HOXC5: variants seen among roughly 807,000 people sequenced by gnomAD.
The protein encoded by HOXC5 is homeobox C5.
A neutral mutation model predicts 20.1 loss-of-function variants in HOXC5; 19 were observed. That is an observed-to-expected ratio of 0.94 (90% CI 0.66 to 1.38). HOXC5 has a LOEUF of 1.38. Among genes scored for constraint, HOXC5 ranks in the 40% most tolerant of loss-of-function variants. The pLI is 0.00. For missense variants in HOXC5, 330 were observed against 300.1 expected (o/e 1.10, Z -0.74); for synonymous variants, 124 against 117.0 (o/e 1.06, Z -0.39).
rs1484013222 is a variant in HOXC5, at chr12:54,034,558, G to T, written c.*66G>T. Reference sequence around the variant, plus strand: ...TCCTGTCCCTGCGCCTTTCCTTTTCGCCTTTCCTCTCTATATTTCGGGTCG... The same window carrying T: ...TCCTGTCCCTGCGCCTTTCCTTTTCTCCTTTCCTCTCTATATTTCGGGTCG... On this transcript the variant is annotated 3_prime_UTR_variant, in exon 2 of 2. Coordinates refer to ENST00000312492, the MANE Select transcript of HOXC5 (RefSeq NM_018953.4). The T allele has an allele frequency of 5.2e-6, 7 of 1,355,404 alleles. No homozygotes were observed. In the Admixed American group the frequency reaches 9.2e-5, roughly 18 times the overall value. The allele number at this position is 1,355,404 out of a possible 1,614,324, so 84.0% of individuals were successfully genotyped here.
At chr12:54,029,403 G>GCCC (rs1234645036), upstream of HOXC5, among the ~76,000 whole-genome samples, 8 of 58,860 alleles carry the variant, frequency 1.4e-4, no homozygotes, top group South Asian at 7.0e-4. Flanking sequence ...CTTTTGCCCC[G>GCCC]CCCCCCCGCC....
At chr12:54,031,558 A>G (rs1379044775), upstream of HOXC5, among the ~76,000 whole-genome samples, 1 of 151,964 alleles carries the variant, frequency 6.6e-6, no homozygotes, top group Non-Finnish European at 1.5e-5. Flanking sequence ...CCATTTATCA[A>G]CCCTGGCCTT....
upstream of HOXC5, chr12:54,028,644 A>G: frequency 6.2e-7 from 1 of 1,613,918 alleles, no homozygotes; most frequent in East Asian, 2.2e-5. Context: ...CGACCTATGG[A>G]GCGGCCGTTG....
At chr12:54,024,663 C>A in the HOXC5 span, among the ~76,000 whole-genome samples, 9 of 150,478 alleles carry the variant, frequency 6.0e-5, no homozygotes, top group African/African-American at 1.5e-4. Context: ...TGGGTCCAGT[C>A]CCACCCACCC....
the HOXC5 span, chr12:54,021,768 A>ACGGCGCCGCAGCTCTGCCG: frequency 6.6e-6 from 1 of 152,278 alleles, no homozygotes; most frequent in Non-Finnish European, 1.5e-5. Flanking sequence ...GGCCTCTGCC[A>ACGGCGCCGCAGCTCTGCCG]CGGCGCCGCA....
the HOXC5 span, among the ~76,000 whole-genome samples, chr12:54,026,445 T>A: frequency 1.3e-5 from 2 of 152,254 alleles, no homozygotes; most frequent in African/African-American, 4.8e-5. Flanking sequence ...ACCCCAAAAA[T>A]GAGATAACTC....
chr12:54,023,644 C>G, the HOXC5 span, among the ~76,000 whole-genome samples: 10 of 152,288 alleles, frequency 6.6e-5, no homozygotes, highest in African/African-American at 2.4e-4. Flanking sequence ...CCCCAGCTCC[C>G]TTCAACTGGT....
the HOXC5 span, among the ~76,000 whole-genome samples, chr12:54,025,883 TG>T: frequency 2.6e-5 from 4 of 151,982 alleles, no homozygotes; most frequent in East Asian, 7.7e-4. Context: ...GCATCCTTGC[TG>T]GGGGCTGTAG....
chr12:54,024,379 T>G, the HOXC5 span, among the ~76,000 whole-genome samples: 1 of 152,086 alleles, frequency 6.6e-6, no homozygotes, highest in Non-Finnish European at 1.5e-5. Context: ...GAGCTGTAGT[T>G]GCAGCGCGGC....
chr12:54,019,466 C>G, the HOXC5 span, among the ~76,000 whole-genome samples: 3 of 152,174 alleles, frequency 2.0e-5, no homozygotes, highest in Admixed American at 6.5e-5. Flanking sequence ...AAAAAGGGAG[C>G]CTTTCTCCTG....
the HOXC5 span, among the ~76,000 whole-genome samples, chr12:54,024,267 C>T: frequency 1.3e-5 from 2 of 152,286 alleles, no homozygotes; most frequent in Admixed American, 6.5e-5. Context: ...CGGGCAGCTG[C>T]GGTCGCGTCC....
chr12:54,023,693 A>G, the HOXC5 span, among the ~76,000 whole-genome samples: 1 of 152,148 alleles, frequency 6.6e-6, no homozygotes, highest in Non-Finnish European at 1.5e-5. Context: ...GCACCCCCAA[A>G]TGATATCCAT....
upstream of HOXC5, among the ~76,000 whole-genome samples, chr12:54,031,436 G>T (rs896282990): frequency 6.6e-6 from 1 of 152,226 alleles, no homozygotes; most frequent in Non-Finnish European, 1.5e-5. Flanking sequence ...TGGTACTCCT[G>T]ACGTGGCCGG....
chr12:54,017,217 C>G, the HOXC5 span: 1 of 152,142 alleles, frequency 6.6e-6, no homozygotes, highest in Non-Finnish European at 1.5e-5. Flanking sequence ...CCTCCTGCCC[C>G]CTTCTTGCAA....
At chr12:54,030,180 T>A (rs1940929520), upstream of HOXC5, 1 of 496,490 alleles carries the variant, frequency 2.0e-6, no homozygotes, top group Non-Finnish European at 3.6e-6. Context: ...CTCGCTCCCT[T>A]GCTAGCTCGT....
At chr12:54,025,010 A>G in the HOXC5 span, among the ~76,000 whole-genome samples, 4 of 152,198 alleles carry the variant, frequency 2.6e-5, no homozygotes, top group Admixed American at 2.0e-4. Context: ...GAAAGTGAAA[A>G]TCTGCTCTTG....
chr12:54,034,448 A>G lies in HOXC5; in HGVS notation c.625A>G (p.Lys209Glu), dbSNP rs1226156452. ...GATCTGGTTCCAGAACCGCAGGATG[A>G]AGTGGAAGAAAGATTCCAAAATGAA... ...IKIWFQNRRM[K>E]WKKDSKMKSK... Residue 209 changes from lysine (K) to glutamate (E), a missense_variant, in exon 2 of 2, where the codon AAG (lysine) becomes GAG (glutamate). Lys to Glu is a moderately conservative substitution (Grantham distance 56, BLOSUM62 1). Coordinates refer to ENST00000312492, the MANE Select transcript of HOXC5 (RefSeq NM_018953.4). 1 of 1,614,250 alleles carries G rather than the reference A, an allele frequency of 6.2e-7. No homozygotes were observed. Among genetic ancestry groups the G allele is most frequent in the Non-Finnish European group, 8.5e-7 (1 of 1,180,044 alleles).
rs1203866009 is a variant in HOXC5, at chr12:54,033,647, G to GA, written c.454+79dup. 5.1e-5 allele frequency: 67 copies of GA among 1,302,216 alleles called. 1 individual carries two copies. Among genetic ancestry groups the GA allele is most frequent in the South Asian group, 1.2e-4 (8 of 64,578 alleles). 80.7% of individuals were successfully genotyped at this position (1,302,216 alleles called of 1,614,324 possible). On this transcript the variant is annotated intron_variant, in intron 1 of 1. Coordinates refer to ENST00000312492, the MANE Select transcript of HOXC5 (RefSeq NM_018953.4). Reference sequence around the variant, plus strand: ...TTATAGGCCATGCGGGGCAAATAAAGAAAAAAAACCTGCGGCCATAAATTT... The same window carrying GA: ...TTATAGGCCATGCGGGGCAAATAAAGAAAAAAAAACCTGCGGCCATAAATTT...
chr12:54,032,267 A>G (rs1941012995), upstream of HOXC5, among the ~76,000 whole-genome samples: 2 of 152,068 alleles, frequency 1.3e-5, no homozygotes, highest in African/African-American at 4.8e-5. Context: ...AACAGCCTGC[A>G]ACACCCTCAG....
Sources: allele counts gnomAD v4.1 joint callset (sites outside exome capture counted in the v4.1 genomes callset), GRCh38; gene constraint gnomAD v4.1.1; transcripts MANE v1.5; gene names NCBI Gene and HGNC (gene_info 2026-07-23, HGNC 2026-07-21).